P2RX6: variants seen among roughly 807,000 people sequenced by gnomAD.
The protein encoded by P2RX6 is purinergic receptor P2X 6, also known as P2X purinoceptor 6.
P2RX6 carries 62 observed loss-of-function variants against 54.2 expected under a neutral mutation model. The ratio of observed to expected loss-of-function variants is 1.14; its 90% CI spans 0.93 to 1.41. The LOEUF (loss-of-function observed/expected upper bound fraction) is 1.41, where lower values mean the gene tolerates loss of function less well. Among genes scored for constraint, P2RX6 ranks in the 40% most tolerant of loss-of-function variants. The pLI, the probability that P2RX6 is intolerant of heterozygous loss-of-function variation, is 0.00. For missense variants in P2RX6, 541 were observed against 566.3 expected (o/e 0.96, Z 0.45); for synonymous variants, 211 against 231.9 (o/e 0.91, Z 0.82).
upstream of P2RX6, chr22:21,011,574 C>T: frequency 2.8e-6 from 2 of 715,534 alleles, no homozygotes; most frequent in Non-Finnish European, 5.2e-6. Context: ...CCAGCTGGTT[C>T]TCCAACAGGT....
intron 1 of P2RX6, 150 bp from the exon 2 acceptor site, chr22:21,015,792 T>G: frequency 1.4e-6 from 1 of 727,116 alleles, no homozygotes; most frequent in East Asian, 2.8e-5. Context: ...GGGTCTGGAG[T>G]GGGAAGTGGG....
chr22:21,014,892 T>TCCG (rs1005020842), upstream of P2RX6: 18 of 359,694 alleles, frequency 5.0e-5, no homozygotes, highest in Non-Finnish European at 6.9e-5. Context: ...ATAACAGCTG[T>TCCG]CCGTCTCCAC....
At position 21,022,717 on chromosome 22, in the gene P2RX6, C is replaced by A; in HGVS notation, c.429C>A (p.Asp143Glu). ...TGGCTAACTGCTGGGTCGACGAGGACTGCCCCGAAGGGGAGGGAGGCACAC... is the reference window on the plus strand; with the variant it reads ...TGGCTAACTGCTGGGTCGACGAGGAATGCCCCGAAGGGGAGGGAGGCACAC... ...VPLANCWVDE[D>E]CPEGEGGTHS... Residue 143 changes from aspartate (D) to glutamate (E), a missense_variant, in exon 4 of 12, where the codon GAC becomes GAA. Physicochemically the swap from Asp to Glu is conservative, Grantham distance 45 (BLOSUM62 2). Coordinates refer to ENST00000413302, the MANE Select transcript of P2RX6 (RefSeq NM_005446.5). 6.3e-7 allele frequency: 1 copy of A among 1,579,358 alleles called. No individual in the cohort carries two copies.
upstream of P2RX6, chr22:21,015,085 G>A: frequency 1.4e-6 from 1 of 732,702 alleles, no homozygotes; most frequent in Non-Finnish European, 2.1e-6. Context: ...TGCTTTAGTG[G>A]AAGTGTCCCT....
chr22:21,026,830 G>T lies in P2RX6; in HGVS notation c.*213G>T, dbSNP rs1447450781. 9.9e-7 allele frequency: 1 copy of T among 1,012,464 alleles called. No homozygotes were observed. The highest frequency in any genetic ancestry group is 1.4e-6 in the Non-Finnish European group (1 of 716,884). The allele number at this position is 1,012,464 out of a possible 1,614,324, so 62.7% of individuals were successfully genotyped here. A position where few individuals can be genotyped will look rare whatever the true frequency, so the allele number is the denominator to read the frequency against. On this transcript the variant is annotated 3_prime_UTR_variant, in exon 12 of 12. Coordinates refer to ENST00000413302, the MANE Select transcript of P2RX6 (RefSeq NM_005446.5). This position sits in a 1 kb window ranked among gnomAD's most constrained non-coding sequence, Gnocchi z 4.0. ...TTGAGACGGCGACAGAACCTGACCC[G>T]TGGAGACTGGGAGAGCCCAGCAGGC...
upstream of P2RX6, chr22:21,011,309 G>A (rs1925725062): frequency 1.7e-6 from 1 of 586,192 alleles, no homozygotes; most frequent in African/African-American, 1.9e-5. Flanking sequence ...GTGCAGCGCG[G>A]TCCTGCCAAC....
upstream of P2RX6, chr22:21,012,559 G>T: frequency 1.6e-6 from 1 of 619,568 alleles, no homozygotes; most frequent in Non-Finnish European, 3.1e-6. Context: ...CAGGGCACCT[G>T]CCAGGGCCTC....
chr22:21,022,049 C>T (rs1927492139), intron 3 of P2RX6, among the ~76,000 whole-genome samples: 2 of 152,174 alleles, frequency 1.3e-5, no homozygotes, highest in South Asian at 2.1e-4. Flanking sequence ...AGAATCACTT[C>T]CGCATCCACC....
chr22:21,022,599 C>A, intron 3 of P2RX6, 77 bp from the exon 4 acceptor site: 2 of 1,167,738 alleles, frequency 1.7e-6, no homozygotes, highest in South Asian at 3.6e-5. Context: ...CACCTTGAAC[C>A]TCCCTGCCTT....
At chr22:21,014,793 C>T (rs1213205868), upstream of P2RX6, among the ~76,000 whole-genome samples, 1 of 152,186 alleles carries the variant, frequency 6.6e-6, no homozygotes, top group Admixed American at 6.5e-5. Context: ...CTGCAAGGGT[C>T]AGCTTAGAGG....
At chr22:21,018,131 C>G in intron 3 of P2RX6, 71 bp downstream of exon 3, 1 of 964,430 alleles carries the variant, frequency 1.0e-6, no homozygotes, top group Non-Finnish European at 1.7e-6. Flanking sequence ...ACCCGTGTTT[C>G]CCTTTCCCCT....
chr22:21,011,227 G>T (rs1261131420), upstream of P2RX6, among the ~76,000 whole-genome samples: 1 of 147,090 alleles, frequency 6.8e-6, no homozygotes, highest in Non-Finnish European at 1.5e-5. Flanking sequence ...GTTCCGTGTG[G>T]CTGGAGTGGA....
At chr22:21,010,712 A>C (rs1452200496), upstream of P2RX6, among the ~76,000 whole-genome samples, 2 of 152,148 alleles carry the variant, frequency 1.3e-5, no homozygotes, top group African/African-American at 4.8e-5. Context: ...CAGGGGCATG[A>C]GAGTGATGAG....
chr22:21,016,606 A>G (rs1392556003), intron 2 of P2RX6, among the ~76,000 whole-genome samples: 18 of 140,206 alleles, frequency 1.3e-4, no homozygotes, highest in Admixed American at 9.3e-4. Flanking sequence ...AAAAAAAAAA[A>G]GCCAGGCCAG....
At chr22:21,016,175 C>G (rs759315795) in intron 2 of P2RX6, 83 bp downstream of exon 2, 1 of 1,378,872 alleles carries the variant, frequency 7.3e-7, no homozygotes, top group Middle Eastern at 2.6e-4. Flanking sequence ...CCAGTGTGTG[C>G]GAGAGAGAAG....
Position 21,018,039 on chromosome 22 carries a change from A to T in P2RX6, c.366A>T (p.Gln122His). Residue 122 changes from glutamine (Q) to histidine (H), a missense_variant, in exon 3 of 12, where the codon CAA becomes CAT. This residue lies in a region of P2RX6 where 526 missense variants were observed against 531.5 expected (regional missense o/e 0.99). Transcript: ENST00000413302. ...LVTNFLVTPA[Q>H]VQGRCPEHPS... ...CCAACTTCCTTGTGACGCCAGCCCA[A>T]GTTCAGGGCAGATGCCCAGAGGTGA... is the stretch of plus-strand genomic sequence containing the variant. 3.1e-6 allele frequency: 5 copies of T among 1,612,754 alleles called. No homozygotes were observed. The highest frequency in any genetic ancestry group is 4.2e-6 in the Non-Finnish European group (5 of 1,179,054).
intron 3 of P2RX6, among the ~76,000 whole-genome samples, chr22:21,019,176 A>G (rs1023034239): frequency 6.6e-6 from 1 of 152,196 alleles, no homozygotes; most frequent in Admixed American, 6.5e-5. Flanking sequence ...AGGCAAGTCC[A>G]ACATTTACGT....
At chr22:21,012,878 G>T (rs1267446748), upstream of P2RX6, among the ~76,000 whole-genome samples, 1 of 151,398 alleles carries the variant, frequency 6.6e-6, no homozygotes, top group Non-Finnish European at 1.5e-5. Flanking sequence ...CATGCCATCT[G>T]TCATAGCATC....
Position 21,026,736 on chromosome 22 carries a change from G to C in P2RX6, c.*119G>C. ...AGAATTCCACCCTTGAACCCCAGCA[G>C]ACAGTCCCTCCCCTGACTCCCACCT... On this transcript the variant is annotated 3_prime_UTR_variant, in exon 12 of 12. Transcript: ENST00000413302. This position sits in a 1 kb window ranked among gnomAD's most constrained non-coding sequence, Gnocchi z 4.0. 1 of 1,461,920 alleles carries C rather than the reference G, an allele frequency of 6.8e-7. No homozygotes were observed. The highest frequency in any genetic ancestry group is 1.4e-5 in the African/African-American group (1 of 70,868). The allele number at this position is 1,461,920 out of a possible 1,614,324, so 90.6% of individuals were successfully genotyped here.
Sources: gnomAD v4.1 joint callset for allele counts (sites outside exome capture counted in the v4.1 genomes callset) on GRCh38, gnomAD v4.1.1 for gene constraint, gnomAD v4.1.1 regional missense constraint, Gnocchi (gnomAD v3.1) non-coding constraint, MANE v1.5 for transcripts, NCBI Gene and HGNC (gene_info 2026-07-23, HGNC 2026-07-21) for gene names.